The following DCAF5 variants were observed in gnomAD, a reference collection of about 807,000 sequenced individuals.
DCAF5 encodes the protein DDB1 and CUL4 associated factor 5, also known as DDB1- and CUL4-associated factor 5.
Under a neutral mutation model 80.7 loss-of-function variants are expected in DCAF5, and 9 were observed. The observed-to-expected ratio is 0.11, with a 90% CI of 0.07 to 0.19. DCAF5 has a LOEUF of 0.19. Ranked by LOEUF, DCAF5 falls within the 10% of genes least tolerant of loss-of-function variation. The probability of loss-of-function intolerance (pLI) is 1.00; values close to 1 mark genes in which losing one functional copy is unlikely to be tolerated. For synonymous variants in DCAF5, 433 were observed against 461.9 expected (o/e 0.94, Z 0.80); for missense variants, 842 against 1,205.7 (o/e 0.70, Z 4.47).
chr14:69,070,294 G>T (rs2038635980), intron 7 of DCAF5, among the ~76,000 whole-genome samples: 3 of 152,144 alleles, frequency 2.0e-5, no homozygotes, highest in African/African-American at 7.2e-5. Flanking sequence ...CCCACACATT[G>T]CCAAATCCAT....
intron 4 of DCAF5, among the ~76,000 whole-genome samples, chr14:69,117,581 G>A (rs1045886981): frequency 6.6e-6 from 1 of 152,132 alleles, no homozygotes; most frequent in African/African-American, 2.4e-5. Context: ...TGTAGGAAAT[G>A]AGCTGAGAAG....
chr14:69,113,893 G>T (rs1463091677), intron 5 of DCAF5, among the ~76,000 whole-genome samples: 1 of 152,074 alleles, frequency 6.6e-6, no homozygotes, highest in Non-Finnish European at 1.5e-5. Context: ...AGTCCCCATG[G>T]CACTATGCTC....
rs376466441 is a variant in DCAF5 at position 69,144,162 on chromosome 14, C to T, written c.214+8603G>A. On this transcript the variant is annotated intron_variant, in intron 1 of 8. Coordinates refer to ENST00000341516, the MANE Select transcript of DCAF5 (RefSeq NM_003861.3). The stretch of plus-strand genomic sequence containing the variant: ...CATTGCCTTTCTACACTACAGGTAA[C>T]GCTGGCTATTTTCCAAGTGGCAAAT... 1.1e-4 allele frequency among the ~76,000 whole-genome samples: 17 copies of T among 151,930 alleles called. 1 individual carries two copies. Among genetic ancestry groups the T allele is most frequent in the African/African-American group, 2.2e-4 (9 of 41,336 alleles).
At chr14:69,128,733 A>C (rs1324232448) in intron 1 of DCAF5, among the ~76,000 whole-genome samples, 2 of 152,100 alleles carry the variant, frequency 1.3e-5, no homozygotes, top group Non-Finnish European at 2.9e-5. Context: ...GTGCCACAGC[A>C]CTCCAGCCTG....
At chr14:69,132,845 G>A (rs973101789) in intron 1 of DCAF5, among the ~76,000 whole-genome samples, 2 of 152,090 alleles carry the variant, frequency 1.3e-5, no homozygotes, top group East Asian at 1.9e-4. Flanking sequence ...CAATGTCGCC[G>A]GCACTTATTA....
At position 69,083,634 on chromosome 14, in the gene DCAF5, T is replaced by C. The variant is rs150611954; in HGVS notation, c.879+8040A>G. 7.5e-4 allele frequency: 432 copies of C among 572,940 alleles called. 4 individuals carry two copies. Among genetic ancestry groups the C allele is most frequent in the African/African-American group, 7.2e-3 (382 of 52,816 alleles). 35.5% of individuals were successfully genotyped at this position (572,940 alleles called of 1,614,324 possible). On this transcript the variant is annotated intron_variant, in intron 6 of 8. Transcript: ENST00000341516. ...ATGTGTCTCAAGAAGCAGTGGAAAATATAAAAGTTAAAAAATCTCCCCAGA... is the reference window on the plus strand; with the variant it reads ...ATGTGTCTCAAGAAGCAGTGGAAAACATAAAAGTTAAAAAATCTCCCCAGA...
chr14:69,075,450 AT>A, intron 6 of DCAF5, 39 bp from the exon 7 acceptor site: 1 of 1,183,992 alleles, frequency 8.4e-7, no homozygotes, highest in East Asian at 2.9e-5. Context: ...ATTATATATT[AT>A]AATATAGAAT....
chr14:69,091,681 C>T lies in DCAF5; in HGVS notation c.872G>A (p.Arg291His), dbSNP rs367697409. ...GAGGCAGACAGCATTTACCTGGTCA[C>T]GATCTCCTGCAAAACAGCAGCTTTT... is the stretch of plus-strand genomic sequence containing the variant. ...TMKSCCFAGD[R>H]DQYILSGSDD... The change falls in exon 6 of 9, where the codon CGT becomes CAT. Residue 291 changes from arginine (R) to histidine (H), a missense_variant. Coordinates refer to ENST00000341516, the MANE Select transcript of DCAF5 (RefSeq NM_003861.3). 1.9e-6 allele frequency: 3 copies of T among 1,613,980 alleles called. No individual in the cohort carries two copies. The highest frequency in any genetic ancestry group is 1.3e-5 in the African/African-American group (1 of 75,028).
chr14:69,061,893 C>G (rs2038229134), intron 8 of DCAF5, among the ~76,000 whole-genome samples: 1 of 152,212 alleles, frequency 6.6e-6, no homozygotes, highest in East Asian at 1.9e-4. Context: ...GTGGTGCATG[C>G]CTGTAGTTCC....
intron 5 of DCAF5, among the ~76,000 whole-genome samples, chr14:69,094,018 T>C (rs1594983819): frequency 6.6e-6 from 1 of 152,142 alleles, no homozygotes; most frequent in Non-Finnish European, 1.5e-5. Flanking sequence ...CATGTGGTGT[T>C]ATCTAAACAC....
At chr14:69,060,626 G>A (rs2038174392) in intron 8 of DCAF5, among the ~76,000 whole-genome samples, 1 of 152,092 alleles carries the variant, frequency 6.6e-6, no homozygotes, top group African/African-American at 2.4e-5. Context: ...CCGCGTCCTG[G>A]GTTCAAGTGA....
chr14:69,112,059 T>G (rs966178856), intron 5 of DCAF5, among the ~76,000 whole-genome samples: 10 of 152,254 alleles, frequency 6.6e-5, no homozygotes, highest in African/African-American at 2.4e-4. Flanking sequence ...TCAGATCTTT[T>G]GTCTTTTTCA....
intron 1 of DCAF5, among the ~76,000 whole-genome samples, chr14:69,135,937 G>C (rs950534998): frequency 6.6e-6 from 1 of 152,086 alleles, no homozygotes; most frequent in Non-Finnish European, 1.5e-5. Context: ...CAGATCAATG[G>C]ATTTTAATGT....
At chr14:69,121,165 T>G (rs2040707017) in intron 2 of DCAF5, among the ~76,000 whole-genome samples, 1 of 152,158 alleles carries the variant, frequency 6.6e-6, no homozygotes, top group Admixed American at 6.5e-5. Flanking sequence ...ACAGATAGAT[T>G]GGGATTTAGA....
At chr14:69,103,004 T>C (rs1490320747) in intron 5 of DCAF5, among the ~76,000 whole-genome samples, 5 of 152,202 alleles carry the variant, frequency 3.3e-5, no homozygotes, top group Non-Finnish European at 7.4e-5. Flanking sequence ...TGCTACATTA[T>C]GACAGCTACA....
At position 69,113,216 on chromosome 14, in the gene DCAF5, G is replaced by A. The variant is rs1011709674; in HGVS notation, c.665+3150C>T. Among the ~76,000 whole-genome samples the A allele has an allele frequency of 5.9e-5, 9 of 152,222 alleles. No individual in the cohort carries two copies. In the South Asian group the frequency reaches 1.2e-3, roughly 21 times the overall value. On this transcript the variant is annotated intron_variant, in intron 5 of 8. Coordinates refer to ENST00000341516, the MANE Select transcript of DCAF5 (RefSeq NM_003861.3). The stretch of plus-strand genomic sequence containing the variant: ...AGGAAGGAGAAGGTGTTCAGGGTGA[G>A]ACCTTCATCACTGCTCCAAGGAGAT...
intron 1 of DCAF5, among the ~76,000 whole-genome samples, chr14:69,147,375 A>C (rs1286113361): frequency 6.6e-6 from 1 of 152,260 alleles, no homozygotes; most frequent in Non-Finnish European, 1.5e-5. Flanking sequence ...TTGCAGCAGC[A>C]GTAGCAACAG....
intron 6 of DCAF5, among the ~76,000 whole-genome samples, chr14:69,088,230 G>A (rs914620413): frequency 6.6e-6 from 1 of 152,098 alleles, no homozygotes; most frequent in Non-Finnish European, 1.5e-5. Flanking sequence ...CAGTGAAAAG[G>A]GGTCTCTATT....
chr14:69,075,262 A>C (rs2038856233), intron 7 of DCAF5, 83 bp downstream of exon 7: 1 of 1,072,034 alleles, frequency 9.3e-7, no homozygotes, highest in Non-Finnish European at 1.4e-6. Context: ...TCTACTGCTA[A>C]AGATCTGTCC....
Sources: allele counts gnomAD v4.1 joint callset (sites outside exome capture counted in the v4.1 genomes callset), GRCh38; gene constraint gnomAD v4.1.1; transcripts MANE v1.5; gene names NCBI Gene and HGNC (gene_info 2026-07-23, HGNC 2026-07-21).